The following MLIP variants were observed in gnomAD, a reference collection of about 807,000 sequenced individuals.
MLIP encodes muscular LMNA interacting protein, also known as muscular LMNA-interacting protein.
MLIP carries 79 observed loss-of-function variants against 84.8 expected under a neutral mutation model. The ratio of observed to expected loss-of-function variants is 0.93; its 90% CI spans 0.78 to 1.12. The LOEUF (loss-of-function observed/expected upper bound fraction) is 1.12. Ranked by LOEUF, MLIP falls within the 50% of genes most tolerant of loss-of-function variation. MLIP has a pLI of 0.00. For missense variants in MLIP, 1,257 were observed against 1,160.6 expected (o/e 1.08, Z -1.21); for synonymous variants, 504 against 463.0 (o/e 1.09, Z -1.14).
At chr6:54,127,181 G>A (rs1365392791) in intron 3 of MLIP, among the ~76,000 whole-genome samples, 1 of 152,094 alleles carries the variant, frequency 6.6e-6, no homozygotes, top group East Asian at 1.9e-4. Flanking sequence ...GTTAGTTCTT[G>A]TTCATGTTTG....
chr6:54,121,303 G>A (rs1442799693), intron 1 of MLIP, 144 bp from the exon 2 acceptor site: 1 of 770,822 alleles, frequency 1.3e-6, no homozygotes, highest in African/African-American at 1.8e-5. Context: ...TTTTATAGGT[G>A]TTTACTTTGG....
chr6:54,251,592 C>T (rs1206476469), intron 12 of MLIP, among the ~76,000 whole-genome samples: 1 of 79,436 alleles, frequency 1.3e-5, no homozygotes, highest in African/African-American at 9.3e-5. Flanking sequence ...ATATATAATA[C>T]AAATATATAT....
chr6:54,243,333 A>G (rs1238038982), intron 12 of MLIP, among the ~76,000 whole-genome samples: 1 of 152,192 alleles, frequency 6.6e-6, no homozygotes, highest in East Asian at 1.9e-4. Flanking sequence ...AACTTGAGAA[A>G]ACGAAAGCAG....
In MLIP at chr6:54,137,584, G is replaced by A. The variant is rs1300235247; in HGVS notation, c.1515G>A (p.Ala505=). ...CCAAGTCTACTCCGCTTTCTCAGGCGCCCTCCCTCTCTCCTACAAAACAGG... is the reference window on the plus strand; with the variant it reads ...CCAAGTCTACTCCGCTTTCTCAGGCACCCTCCCTCTCTCCTACAAAACAGG... ...VFTKSTPLSQ[A]PSLSPTKQAS... The change falls in exon 4 of 14, where the codon GCG becomes GCA. Residue 505 remains alanine, a synonymous_variant. Coordinates refer to ENST00000502396, the MANE Select transcript of MLIP (RefSeq NM_001281747.2). 4.6e-6 allele frequency: 7 copies of A among 1,535,898 alleles called. No homozygotes were observed. The Admixed American group carries it at 9.8e-5, about 22-fold the overall frequency.
intron 1 of MLIP, among the ~76,000 whole-genome samples, chr6:54,063,703 G>A (rs1346481004): frequency 6.8e-6 from 1 of 148,076 alleles, no homozygotes; most frequent in African/African-American, 2.5e-5. Context: ...GATGGGGTAG[G>A]CAGAACTAGG....
chr6:54,235,314 T>C (rs539963228), intron 12 of MLIP, among the ~76,000 whole-genome samples: 68 of 152,346 alleles, frequency 4.5e-4, no homozygotes, highest in African/African-American at 1.5e-3. Context: ...CATTTTCCCA[T>C]ATAAAATACT....
At chr6:54,238,485 A>G (rs540450683) in intron 12 of MLIP, among the ~76,000 whole-genome samples, 1 of 152,184 alleles carries the variant, frequency 6.6e-6, no homozygotes. Context: ...TTTATTTAGC[A>G]TAACTACAAG....
In MLIP at chr6:54,198,898, A is replaced by G. The variant is rs200240152; in HGVS notation, c.2590-3207A>G. ...TGTGTCTGTGTGTGTGTGTGTGTATATGTGTGTGTGTGTTTGTGTGTGTGT... is the reference window on the plus strand; with the variant it reads ...TGTGTCTGTGTGTGTGTGTGTGTATGTGTGTGTGTGTGTTTGTGTGTGTGT... On this transcript the variant is annotated intron_variant, in intron 10 of 13. Coordinates refer to ENST00000502396, the MANE Select transcript of MLIP (RefSeq NM_001281747.2). 8.6e-3 allele frequency among the ~76,000 whole-genome samples: 708 copies of G among 82,504 alleles called. 4 individuals are homozygous for G. The highest frequency in any genetic ancestry group is 0.019 in the African/African-American group (674 of 35,330). The allele number at this position is 82,504 out of a possible 152,430, so 54.1% of individuals were successfully genotyped here.
intron 1 of MLIP, among the ~76,000 whole-genome samples, chr6:54,020,513 T>G (rs1763436912): frequency 6.6e-6 from 1 of 152,138 alleles, no homozygotes; most frequent in Non-Finnish European, 1.5e-5. Flanking sequence ...TGAATTAGTG[T>G]GAAATTTGAC....
rs1042123034 is a variant in MLIP, at chr6:54,079,276, T to C, written c.64-42171T>C. 3.9e-5 allele frequency among the ~76,000 whole-genome samples: 6 copies of C among 152,208 alleles called. No individual in the cohort carries two copies. The South Asian group carries it at 1.2e-3, about 32-fold the overall frequency. ...GGTGAATCTGTTTAGGTAGAGTATC[T>C]ACTCCTATGCCATGTTACTAGCTGG... On this transcript the variant is annotated intron_variant, in intron 1 of 12. Coordinates refer to the MLIP transcript ENST00000274897.
chr6:54,033,940 T>C (rs1764282701), intron 1 of MLIP, among the ~76,000 whole-genome samples: 1 of 152,174 alleles, frequency 6.6e-6, no homozygotes, highest in Non-Finnish European at 1.5e-5. Flanking sequence ...TTACCTAACA[T>C]CTTGTTAATA....
chr6:54,210,986 C>A (rs1001955861), intron 11 of MLIP, among the ~76,000 whole-genome samples: 5 of 152,170 alleles, frequency 3.3e-5, no homozygotes, highest in African/African-American at 7.2e-5. Flanking sequence ...GGCCTGTAAT[C>A]CCAGCACTTT....
intron 5 of MLIP, among the ~76,000 whole-genome samples, chr6:54,157,607 A>G (rs928894721): frequency 6.6e-6 from 1 of 152,066 alleles, no homozygotes; most frequent in Non-Finnish European, 1.5e-5. Flanking sequence ...ATATGTGACT[A>G]ACAAACTGTT....
intron 9 of MLIP, among the ~76,000 whole-genome samples, chr6:54,183,481 G>C (rs1582425949): frequency 6.6e-6 from 1 of 152,124 alleles, no homozygotes; most frequent in East Asian, 1.9e-4. Context: ...CATCAAATGG[G>C]AAGGTGCCTT....
At chr6:54,228,425 G>A (rs1163959746) in intron 11 of MLIP, among the ~76,000 whole-genome samples, 1 of 152,064 alleles carries the variant, frequency 6.6e-6, no homozygotes, top group African/African-American at 2.4e-5. Context: ...AGTGAGCTTC[G>A]CCAAGGTTCT....
intron 10 of MLIP, among the ~76,000 whole-genome samples, chr6:54,192,145 A>C (rs1020954123): frequency 2.6e-5 from 4 of 152,056 alleles, no homozygotes; most frequent in African/African-American, 9.7e-5. Context: ...GCTTTGAATG[A>C]CTTTTATAAT....
intron 8 of MLIP, among the ~76,000 whole-genome samples, chr6:54,168,740 T>C (rs1224934766): frequency 6.6e-6 from 1 of 151,838 alleles, no homozygotes; most frequent in East Asian, 1.9e-4. Flanking sequence ...TGATAATTGT[T>C]AATTTAAAAT....
In MLIP at chr6:54,138,176, A is replaced by T. The variant is rs1211592169; in HGVS notation, c.2107A>T (p.Arg703Trp). 1.3e-6 allele frequency: 2 copies of T among 1,535,962 alleles called. No individual in the cohort carries two copies. Among genetic ancestry groups the T allele is most frequent in the Non-Finnish European group, 1.7e-6 (2 of 1,146,886 alleles). Residue 703 changes from arginine (R) to tryptophan (W), a missense_variant, in exon 4 of 14, where the codon AGG (arginine) becomes TGG (tryptophan). Physicochemically the swap from Arg to Trp is moderately radical, Grantham distance 101. Coordinates refer to ENST00000502396, the MANE Select transcript of MLIP (RefSeq NM_001281747.2). ...GKSESTTPNH[R>W]SPVSTPSLPI... ...ATCTGAAAGCACCACCCCCAACCAC[A>T]GGTCACCTGTTTCAACCCCATCACT...
intron 11 of MLIP, chr6:54,214,989 A>T: frequency 3.4e-6 from 2 of 586,650 alleles, no homozygotes. Context: ...TTCCCCAGGA[A>T]ATAAAGGAGA....
Sources: gnomAD v4.1 joint callset for allele counts (sites outside exome capture counted in the v4.1 genomes callset) on GRCh38, gnomAD v4.1.1 for gene constraint, MANE v1.5 for transcripts, NCBI Gene and HGNC (gene_info 2026-07-23, HGNC 2026-07-21) for gene names.